The following TNKS variants were observed in gnomAD, a reference collection of about 807,000 sequenced individuals.
TNKS encodes poly [ADP-ribose] polymerase tankyrase-1.
TNKS carries 72 observed loss-of-function variants against 135.8 expected under a neutral mutation model. The observed-to-expected ratio is 0.53, with a 90% CI of 0.44 to 0.64. The LOEUF (loss-of-function observed/expected upper bound fraction) is 0.64. TNKS is among the 30% of genes least tolerant of loss of function. The probability of loss-of-function intolerance (pLI) is 0.00; values close to 1 mark genes in which losing one functional copy is unlikely to be tolerated. For missense variants in TNKS, 1,769 were observed against 1,674.0 expected, an observed-to-expected ratio of 1.06 and a Z score of -0.99; for synonymous variants, 849 against 649.3, an observed-to-expected ratio of 1.31 and a Z score of -4.68.
At chr8:9,566,058 G>A (rs983796630) in intron 1 of TNKS, among the ~76,000 whole-genome samples, 6 of 152,068 alleles carry the variant, frequency 3.9e-5, no homozygotes, top group South Asian at 2.1e-4. Flanking sequence ...CTCATCAACC[G>A]TAGAAACCAT....
rs1483364876 is a variant in TNKS at position 9,780,186 on chromosome 8, C to G, written c.*3450C>G. On this transcript the variant is annotated 3_prime_UTR_variant, in exon 27 of 27. Coordinates refer to ENST00000310430, the MANE Select transcript of TNKS (RefSeq NM_003747.3). ...CCCAATGGCACGAAGGGTTATTGGG[C>G]ATTGTCCCCACCCCCGCCTTTTTAA... 6.6e-6 allele frequency: 1 copy of G among 152,274 alleles called. No homozygotes were observed. Among genetic ancestry groups the G allele is most frequent in the Non-Finnish European group, 1.5e-5 (1 of 68,038 alleles). 9.4% of individuals were successfully genotyped at this position (152,274 alleles called of 1,614,324 possible).
At chr8:9,698,473 G>A (rs753290905) in intron 5 of TNKS, among the ~76,000 whole-genome samples, 5 of 149,506 alleles carry the variant, frequency 3.3e-5, no homozygotes, top group Admixed American at 6.7e-5. Context: ...GATAAATACC[G>A]TATTATGTAC....
At chr8:9,675,282 G>T (rs886343483) in intron 3 of TNKS, among the ~76,000 whole-genome samples, 3 of 152,130 alleles carry the variant, frequency 2.0e-5, no homozygotes, top group African/African-American at 7.2e-5. Flanking sequence ...TTAGCTACAA[G>T]AATCAATTCA....
chr8:9,575,556 A>C (rs1210466108), intron 1 of TNKS, among the ~76,000 whole-genome samples: 1 of 152,252 alleles, frequency 6.6e-6, no homozygotes, highest in African/African-American at 2.4e-5. Flanking sequence ...CTAAATGTGA[A>C]AGAATTATAA....
chr8:9,733,453 T>C lies in TNKS; in HGVS notation c.2313+9T>C. ...GCAAGCTCCTTTTAAAAGTATGTAGTTTAAAAAGTTATGAAATATAACTAA... is the reference window on the plus strand; with the variant it reads ...GCAAGCTCCTTTTAAAAGTATGTAGCTTAAAAAGTTATGAAATATAACTAA... On this transcript the variant is annotated intron_variant, in intron 15 of 26. Transcript: ENST00000310430. The C allele has an allele frequency of 6.2e-7, 1 of 1,605,896 alleles. No individual in the cohort carries two copies.
rs755021030 is a variant in TNKS, at chr8:9,751,605, T to G, written c.2833-4T>G. Reference sequence around the variant, plus strand: ...ATGGTTTTTGTTTTTAATCATTTTTTTAGGCTGACGATATCAGAGCTTTGC... The same window carrying G: ...ATGGTTTTTGTTTTTAATCATTTTTGTAGGCTGACGATATCAGAGCTTTGC... On this transcript the variant is annotated splice_polypyrimidine_tract_variant and splice_region_variant and intron_variant, in intron 18 of 26. Coordinates refer to ENST00000310430, the MANE Select transcript of TNKS (RefSeq NM_003747.3). 6.2e-7 allele frequency: 1 copy of G among 1,608,652 alleles called. No homozygotes were observed. Among genetic ancestry groups the G allele is most frequent in the Admixed American group, 1.7e-5 (1 of 59,190 alleles).
chr8:9,649,878 CTTTTTTTTTTTTTT>C (rs71201959), intron 3 of TNKS, among the ~76,000 whole-genome samples: 13 of 83,364 alleles, frequency 1.6e-4, no homozygotes, highest in East Asian at 3.2e-4. Flanking sequence ...CTTTTCTTTT[CTTTTTTTTTTTTTT>C]TTTTTTTTTT....
At chr8:9,632,942 G>T (rs1158334471) in intron 3 of TNKS, among the ~76,000 whole-genome samples, 1 of 152,104 alleles carries the variant, frequency 6.6e-6, no homozygotes, top group Non-Finnish European at 1.5e-5. Flanking sequence ...TGTTAGCCAG[G>T]ATGGTCTCAA....
rs984096566 is a variant in TNKS, at chr8:9,776,827, G to A, written c.*91G>A. On this transcript the variant is annotated 3_prime_UTR_variant, in exon 27 of 27. Coordinates refer to ENST00000310430, the MANE Select transcript of TNKS (RefSeq NM_003747.3). Reference sequence around the variant, plus strand: ...TAATAACAACATCAATATTCTAGAAGTCCCTGACAGCCTAGAAATAAGCTG... The same window carrying A: ...TAATAACAACATCAATATTCTAGAAATCCCTGACAGCCTAGAAATAAGCTG... 21 of 1,240,938 alleles carry A rather than the reference G, an allele frequency of 1.7e-5. No homozygotes were observed. Among genetic ancestry groups the A allele is most frequent in the Non-Finnish European group, 2.4e-5 (21 of 859,998 alleles). 76.9% of individuals were successfully genotyped at this position (1,240,938 alleles called of 1,614,324 possible).
At chr8:9,771,742 G>A (rs191022674) in intron 26 of TNKS, among the ~76,000 whole-genome samples, 33 of 106,674 alleles carry the variant, frequency 3.1e-4, no homozygotes, top group Admixed American at 3.0e-3. Flanking sequence ...AGTGAGAAAG[G>A]AAGGATTGGA....
At chr8:9,741,668 A>T in intron 17 of TNKS, 1 of 510,758 alleles carries the variant, frequency 2.0e-6, no homozygotes, top group South Asian at 1.4e-5. Context: ...ATCAGTTAAG[A>T]TGTTACTTAC....
At chr8:9,630,973 C>T (rs1399808535) in intron 3 of TNKS, among the ~76,000 whole-genome samples, 1 of 152,144 alleles carries the variant, frequency 6.6e-6, no homozygotes, top group Non-Finnish European at 1.5e-5. Flanking sequence ...GCAGTACATA[C>T]ATTTTCATGA....
At chr8:9,657,486 A>T (rs1301222920) in intron 3 of TNKS, among the ~76,000 whole-genome samples, 1 of 56,030 alleles carries the variant, frequency 1.8e-5, no homozygotes, top group East Asian at 6.5e-4. Flanking sequence ...TGACCCCCCC[A>T]CCTCCCTCCC....
chr8:9,580,922 A>T (rs972588546), intron 2 of TNKS, among the ~76,000 whole-genome samples: 2 of 152,228 alleles, frequency 1.3e-5, no homozygotes, highest in Non-Finnish European at 2.9e-5. Context: ...TCTAGATGAA[A>T]CGAAGCTGTA....
intron 3 of TNKS, among the ~76,000 whole-genome samples, chr8:9,623,342 T>C (rs1050705180): frequency 2.0e-5 from 3 of 152,264 alleles, no homozygotes; most frequent in South Asian, 4.1e-4. Flanking sequence ...TAGTTATAGA[T>C]ACTAACCTGT....
chr8:9,598,761 G>GTATATA (rs1798894482), intron 2 of TNKS, among the ~76,000 whole-genome samples: 1 of 67,248 alleles, frequency 1.5e-5, no homozygotes, highest in African/African-American at 5.6e-5. Context: ...GTATATGTGT[G>GTATATA]TGTGTATATA....
chr8:9,735,294 C>A, intron 16 of TNKS, 83 bp from the exon 17 acceptor site: 4 of 1,320,982 alleles, frequency 3.0e-6, no homozygotes, highest in Non-Finnish European at 4.3e-6. Context: ...AAAACCTTAA[C>A]ATTTTCTGGT....
At chr8:9,691,561 A>G (rs1293303996) in intron 5 of TNKS, among the ~76,000 whole-genome samples, 1 of 152,146 alleles carries the variant, frequency 6.6e-6, no homozygotes, top group Non-Finnish European at 1.5e-5. Context: ...TCTAAGTCAG[A>G]CTGCCTGGAT....
intron 20 of TNKS, among the ~76,000 whole-genome samples, chr8:9,757,600 C>T (rs906374287): frequency 4.6e-5 from 7 of 152,092 alleles, no homozygotes; most frequent in South Asian, 2.1e-4. Context: ...CCCTTGCAAC[C>T]GTGACCAAGC....
Sources: allele counts gnomAD v4.1 joint callset (sites outside exome capture counted in the v4.1 genomes callset), GRCh38; gene constraint gnomAD v4.1.1; transcripts MANE v1.5; gene names NCBI Gene and HGNC (gene_info 2026-07-23, HGNC 2026-07-21).